HNRNPDL: variants seen among roughly 807,000 people sequenced by gnomAD.
The protein encoded by HNRNPDL is heterogeneous nuclear ribonucleoprotein D-like.
Under a neutral mutation model 48.0 loss-of-function variants are expected in HNRNPDL, and 18 were observed. The ratio of observed to expected loss-of-function variants is 0.38; its 90% confidence interval spans 0.26 to 0.56. The LOEUF is 0.56. HNRNPDL is among the 20% of genes least tolerant of loss of function. HNRNPDL has a pLI of 0.77. For missense variants in HNRNPDL, 553 were observed against 540.7 expected, an observed-to-expected ratio of 1.02 and a Z score of -0.23; for synonymous variants, 306 against 207.3, an observed-to-expected ratio of 1.48 and a Z score of -4.09.
intron 7 of HNRNPDL, 53 bp downstream of exon 7, chr4:82,425,984 A>T: frequency 8.7e-7 from 1 of 1,147,984 alleles, no homozygotes; most frequent in Non-Finnish European, 1.3e-6. Flanking sequence ...TTGTCTATTG[A>T]TCTTTAAATT....
chr4:82,429,581 T>A lies in HNRNPDL; in HGVS notation c.110A>T (p.Gln37Leu). The A allele has an allele frequency of 7.2e-7, 1 of 1,383,840 alleles. No individual in the cohort carries two copies. Among genetic ancestry groups the A allele is most frequent in the South Asian group, 1.7e-5 (1 of 59,364 alleles). The allele number at this position is 1,383,840 out of a possible 1,614,324, so 85.7% of individuals were successfully genotyped here. The part of the protein sequence containing the change: ...LSHWRPRPPR[Q>L]LAPLLPSLAP... The stretch of plus-strand genomic sequence containing the variant: ...GAGCGAAGGGAGGAGCGGGGCTAGC[T>A]GCCGCGGCGGCCGCGGCCGCCAATG... The change falls in exon 1 of 8, where the codon CAG becomes CTG. Residue 37 changes from glutamine (Q) to leucine (L), a missense_variant. Gln to Leu is a moderately radical substitution (Grantham distance 113, BLOSUM62 -2). Coordinates refer to ENST00000295470, the MANE Select transcript of HNRNPDL (RefSeq NM_031372.4).
In HNRNPDL at chr4:82,427,148, TTAAA is replaced by T. The variant is rs767177978; in HGVS notation, c.1021+38_1021+41del. On this transcript the variant is annotated intron_variant, in intron 5 of 7. Coordinates refer to ENST00000295470, the MANE Select transcript of HNRNPDL (RefSeq NM_031372.4). ...CTACTCATATTCAGCAGTATACAGCTTAAATAAACCACGGAGTCATATTTCAAGA... is the reference window on the plus strand; with the variant it reads ...CTACTCATATTCAGCAGTATACAGCTTAAACCACGGAGTCATATTTCAAGA... 3.1e-6 allele frequency: 4 copies of T among 1,301,738 alleles called. No individual in the cohort carries two copies. In the Admixed American group the frequency reaches 5.0e-5, roughly 16 times the overall value. The allele number at this position is 1,301,738 out of a possible 1,614,324, so 80.6% of individuals were successfully genotyped here. A position where few individuals can be genotyped will look rare whatever the true frequency, so the allele number is the denominator to read the frequency against.
rs766107454 is a variant in HNRNPDL at position 82,429,440 on chromosome 4, T to A, written c.251A>T (p.Asp84Val). The A allele has an allele frequency of 6.2e-7, 1 of 1,609,734 alleles. No individual in the cohort carries two copies. The highest frequency in any genetic ancestry group is 1.1e-5 in the South Asian group (1 of 90,884). ...GGATTTAAAATGGCGGCGGAAGAGATCCGGGCGCCGCCTGCGCCCTCCCTT... is the reference window on the plus strand; with the variant it reads ...GGATTTAAAATGGCGGCGGAAGAGAACCGGGCGCCGCCTGCGCCCTCCCTT... ...AIKGGRRRRP[D>V]LFRRHFKSSS... The change falls in exon 1 of 8, where the codon GAT (aspartate) becomes GTT (valine). Residue 84 changes from aspartate to valine, a missense_variant. Physicochemically the swap from Asp to Val is radical, Grantham distance 152 (BLOSUM62 -3). This residue lies in a region of HNRNPDL where 327 missense variants were observed against 203.2 expected (regional missense o/e 1.61). Coordinates refer to ENST00000295470, the MANE Select transcript of HNRNPDL (RefSeq NM_031372.4).
intron 6 of HNRNPDL, 124 bp from the exon 7 acceptor site, chr4:82,426,253 C>A: frequency 2.2e-6 from 2 of 922,176 alleles, no homozygotes; most frequent in South Asian, 2.8e-5. Context: ...TTTTAGCACC[C>A]ATTAGATGCT....
At position 82,429,941 on chromosome 4, in the gene HNRNPDL, G is replaced by A. The variant is rs1314603471; in HGVS notation, c.-251C>T. ...CGGTTCGCCAGTGCGGAGCCGCTGC[G>A]GCGGCCGCTGCTACCGACTAGCACC... On this transcript the variant is annotated 5_prime_UTR_variant, in exon 1 of 8. Transcript: ENST00000295470. 3 of 343,142 alleles carry A rather than the reference G, an allele frequency of 8.7e-6. No homozygotes were observed. Among genetic ancestry groups the A allele is most frequent in the African/African-American group, 2.1e-5 (1 of 47,248 alleles). 21.3% of individuals were successfully genotyped at this position (343,142 alleles called of 1,614,324 possible).
chr4:82,427,643 G>T, intron 3 of HNRNPDL, 79 bp from the exon 4 acceptor site: 1 of 1,328,596 alleles, frequency 7.5e-7, no homozygotes, highest in Non-Finnish European at 1.1e-6. Context: ...GCCTTTTCAG[G>T]CTTCAACTTA....
Position 82,424,807 on chromosome 4 carries a change from C to T in HNRNPDL, c.*99G>A, listed in dbSNP as rs1032057644. On this transcript the variant is annotated 3_prime_UTR_variant, in exon 8 of 8. Transcript: ENST00000295470. ...GTCTTGTACACTAGAAAGTCTTTTA[C>T]AAAATAATCATCTTAGATCAACAGA... The T allele has an allele frequency of 3.3e-5, 5 of 152,200 alleles. No individual in the cohort carries two copies. Among genetic ancestry groups the T allele is most frequent in the Non-Finnish European group, 7.4e-5 (5 of 68,022 alleles). The allele number at this position is 152,200 out of a possible 1,614,324, so 9.4% of individuals were successfully genotyped here. A position where few individuals can be genotyped will look rare whatever the true frequency, so the allele number is the denominator to read the frequency against.
In HNRNPDL at chr4:82,424,599, G is replaced by A. The variant is rs538157014; in HGVS notation, c.*307C>T. 4 of 152,680 alleles carry A rather than the reference G, an allele frequency of 2.6e-5. No homozygotes were observed. In the South Asian group the frequency reaches 6.2e-4, roughly 24 times the overall value. The allele number at this position is 152,680 out of a possible 1,614,324, so 9.5% of individuals were successfully genotyped here. ...TATTTTAAATTACATTTTTTACAGAGCTATGTAGTACCTGACGCAGAAAAG... is the reference window on the plus strand; with the variant it reads ...TATTTTAAATTACATTTTTTACAGAACTATGTAGTACCTGACGCAGAAAAG... On this transcript the variant is annotated 3_prime_UTR_variant, in exon 8 of 8. Coordinates refer to ENST00000295470, the MANE Select transcript of HNRNPDL (RefSeq NM_031372.4).
rs1425176825 is a variant in HNRNPDL at position 82,429,661 on chromosome 4, C to G, written c.30G>C (p.Val10=). 7.3e-7 allele frequency: 1 copy of G among 1,364,864 alleles called. No homozygotes were observed. Among genetic ancestry groups the G allele is most frequent in the East Asian group, 3.0e-5 (1 of 33,094 alleles). The allele number at this position is 1,364,864 out of a possible 1,614,324, so 84.5% of individuals were successfully genotyped here. A position where few individuals can be genotyped will look rare whatever the true frequency, so the allele number is the denominator to read the frequency against. MEVPPRLSH[V]PPPLFPSAPA... is the part of the protein sequence containing the mutation. Reference sequence around the variant, plus strand: ...GAGCGGAGGGGAACAATGGCGGCGGCACATGGGAAAGCCTGGGCGGGACCT... The same window carrying G: ...GAGCGGAGGGGAACAATGGCGGCGGGACATGGGAAAGCCTGGGCGGGACCT... Residue 10 remains valine (V), a synonymous_variant, in exon 1 of 8, where the codon GTG becomes GTC. Transcript: ENST00000295470.
chr4:82,427,352 T>C, intron 4 of HNRNPDL, 48 bp from the exon 5 acceptor site: 1 of 1,534,270 alleles, frequency 6.5e-7, no homozygotes, highest in Non-Finnish European at 8.8e-7. Flanking sequence ...AGTTCTAAAA[T>C]TAAATCATTT....
Position 82,429,604 on chromosome 4 carries a change from A to T in HNRNPDL, c.87T>A (p.His29Gln). Residue 29 changes from histidine (H) to glutamine (Q), a missense_variant, in exon 1 of 8, where the codon CAT becomes CAA. This residue lies in a region of HNRNPDL where 327 missense variants were observed against 203.2 expected (regional missense o/e 1.61). Transcript: ENST00000295470. Reference protein sequence around the residue: ...PATLASRSLSHWRPRPPRQLA... With the variant: ...PATLASRSLSQWRPRPPRQLA... ...GCTGCCGCGGCGGCCGCGGCCGCCA[A>T]TGGGAGAGGCTGCGGGAGGCTAAAG... 1 of 1,372,970 alleles carries T rather than the reference A, an allele frequency of 7.3e-7. No homozygotes were observed. 85.0% of individuals were successfully genotyped at this position (1,372,970 alleles called of 1,614,324 possible). A position where few individuals can be genotyped will look rare whatever the true frequency, so the allele number is the denominator to read the frequency against.
rs1446184616 is a variant in HNRNPDL, at chr4:82,424,326, G to C, written c.*580C>G. On this transcript the variant is annotated 3_prime_UTR_variant, in exon 8 of 8. Transcript: ENST00000295470. ...AATCCAGAAGAAATATGGTCTACTA[G>C]AAAGCTTCTACTAATCACAACACTT... The C allele has an allele frequency of 1.3e-5, 2 of 152,440 alleles. No individual in the cohort carries two copies. The highest frequency in any genetic ancestry group is 2.4e-5 in the African/African-American group (1 of 41,474). The allele number at this position is 152,440 out of a possible 1,614,324, so 9.4% of individuals were successfully genotyped here. A position where few individuals can be genotyped will look rare whatever the true frequency, so the allele number is the denominator to read the frequency against.
intron 2 of HNRNPDL, 41 bp from the exon 3 acceptor site, chr4:82,428,220 C>T (rs1721499996): frequency 6.2e-7 from 1 of 1,608,028 alleles, no homozygotes; most frequent in East Asian, 2.2e-5. Flanking sequence ...ACCATATAAC[C>T]CCCAGAAAAA....
rs10002169 is a variant in HNRNPDL, at chr4:82,429,944, G to A, written c.-254C>T. On this transcript the variant is annotated 5_prime_UTR_variant, in exon 1 of 8. Transcript: ENST00000295470. ...TTCGCCAGTGCGGAGCCGCTGCGGC[G>A]GCCGCTGCTACCGACTAGCACCGCG... 2 of 340,624 alleles carry A rather than the reference G, an allele frequency of 5.9e-6. No individual in the cohort carries two copies. The highest frequency in any genetic ancestry group is 4.3e-5 in the East Asian group (1 of 23,076). The allele number at this position is 340,624 out of a possible 1,614,324, so 21.1% of individuals were successfully genotyped here.
intron 1 of HNRNPDL, 118 bp downstream of exon 1, chr4:82,429,130 A>C (rs1721562490): frequency 1.1e-6 from 1 of 938,026 alleles, no homozygotes; most frequent in Non-Finnish European, 1.7e-6. Context: ...AGTGGGGCCC[A>C]GAAGGCACGC....
intron 6 of HNRNPDL, 97 bp downstream of exon 6, chr4:82,426,366 T>TAA (rs1403073362): frequency 1.2e-4 from 133 of 1,138,574 alleles, no homozygotes; most frequent in Non-Finnish European, 1.5e-4. Flanking sequence ...CCGAACACTT[T>TAA]AATGGAAAGC....
chr4:82,428,975 T>TC (rs917120164), intron 1 of HNRNPDL, among the ~76,000 whole-genome samples: 4 of 151,536 alleles, frequency 2.6e-5, no homozygotes, highest in African/African-American at 4.8e-5. Context: ...GGCCGGCCCC[T>TC]CCCCCCCGGG....
At position 82,423,377 on chromosome 4, in the gene HNRNPDL, T is replaced by C. The variant is rs1174651605; in HGVS notation, c.*1529A>G. On this transcript the variant is annotated 3_prime_UTR_variant, in exon 8 of 8. Transcript: ENST00000295470. ...TACTTCCATTCCCTAAAGTTGCATGTTGAATGAACAGAATCCCTTCTAACA... is the reference window on the plus strand; with the variant it reads ...TACTTCCATTCCCTAAAGTTGCATGCTGAATGAACAGAATCCCTTCTAACA... The C allele has an allele frequency of 1.3e-5, 2 of 152,178 alleles. No individual in the cohort carries two copies. Among genetic ancestry groups the C allele is most frequent in the Non-Finnish European group, 2.9e-5 (2 of 68,036 alleles). 9.4% of individuals were successfully genotyped at this position (152,178 alleles called of 1,614,324 possible). A position where few individuals can be genotyped will look rare whatever the true frequency, so the allele number is the denominator to read the frequency against.
At chr4:82,427,910 T>C in intron 3 of HNRNPDL, 108 bp downstream of exon 3, 2 of 1,123,974 alleles carry the variant, frequency 1.8e-6, no homozygotes, top group Admixed American at 2.4e-5. Context: ...TGAGCAGTCA[T>C]TTAATTCTAC....
Sources: gnomAD v4.1 joint callset for allele counts (sites outside exome capture counted in the v4.1 genomes callset) on GRCh38, gnomAD v4.1.1 for gene constraint, gnomAD v4.1.1 regional missense constraint, MANE v1.5 for transcripts, NCBI Gene and HGNC (gene_info 2026-07-23, HGNC 2026-07-21) for gene names.